The following ERVW-1 variants were observed in gnomAD, a reference collection of about 807,000 sequenced individuals.
ERVW-1 encodes the protein syncytin-1.
Under a neutral mutation model 16.6 loss-of-function variants are expected in ERVW-1, and 21 were observed. The ratio of observed to expected loss-of-function variants is 1.26; its 90% CI spans 0.90 to 1.82. ERVW-1 has a LOEUF of 1.82. Ranked by LOEUF, ERVW-1 falls within the 40% of genes most tolerant of loss-of-function variation. The pLI is 0.00. For synonymous variants in ERVW-1, 161 were observed against 109.8 expected (o/e 1.47, Z -2.92); for missense variants, 412 against 300.2 (o/e 1.37, Z -2.75).
In ERVW-1 at chr7:92,469,338, G is replaced by T; in HGVS notation, c.1044C>A (p.Tyr348Ter). Residue 348 changes from tyrosine (Y) to a stop codon, truncating the protein, a stop_gained, in exon 2 of 2, where the codon TAC becomes TAA. Transcript: ENST00000603053. LOFTEE classifies it high-confidence loss of function. ...GGITTSTQFY[Y>*]KLSQELNGDM... Reference sequence around the variant, plus strand: ...CCCCATTTAGTTCTTGAGATAGTTTGTAGTAGAACTGAGTAGAGGTTGTGA... The same window carrying T: ...CCCCATTTAGTTCTTGAGATAGTTTTTAGTAGAACTGAGTAGAGGTTGTGA... 1.3e-6 allele frequency: 1 copy of T among 765,088 alleles called. No homozygotes were observed. Among genetic ancestry groups the T allele is most frequent in the Non-Finnish European group, 2.4e-6 (1 of 417,892 alleles). 47.4% of individuals were successfully genotyped at this position (765,088 alleles called of 1,614,324 possible).
At chr7:92,476,009 A>G (rs946229924) in intron 1 of ERVW-1, among the ~76,000 whole-genome samples, 3 of 152,216 alleles carry the variant, frequency 2.0e-5, no homozygotes, top group Non-Finnish European at 4.4e-5. Context: ...CCCCGTATCA[A>G]TTACTGAATA....
rs1176045748 is a variant in ERVW-1, at chr7:92,469,228, G to C, written c.1154C>G (p.Ala385Gly). 1 of 762,340 alleles carries C rather than the reference G, an allele frequency of 1.3e-6. No individual in the cohort carries two copies. Among genetic ancestry groups the C allele is most frequent in the African/African-American group, 1.7e-5 (1 of 59,006 alleles). The allele number at this position is 762,340 out of a possible 1,614,324, so 47.2% of individuals were successfully genotyped here. ...TCTTTCAGCGGTTAGCAAGTCTAAA[G>C]CTCTTCGATTTTGAAGGACTACTGC... ...LAAVVLQNRR[A>G]LDLLTAERGG... is the part of the protein sequence containing the mutation. Residue 385 changes from alanine to glycine, a missense_variant, in exon 2 of 2, where the codon GCT becomes GGT. By Grantham distance (60) the Ala-to-Gly change is moderately conservative (BLOSUM62 0). Coordinates refer to ENST00000603053, the MANE Select transcript of ERVW-1 (RefSeq NM_001130925.2).
Position 92,470,492 on chromosome 7 carries a change from C to T in ERVW-1, c.-111G>A. ...GCGTTGTCTCCTGGATTTTCAGGTT[C>T]CTTTGGCAGTATCCAGGATTTGACT... On this transcript the variant is annotated 5_prime_UTR_variant, in exon 2 of 2. Transcript: ENST00000603053. The T allele has an allele frequency of 5.0e-6, 3 of 596,474 alleles. No homozygotes were observed. The highest frequency in any genetic ancestry group is 2.2e-5 in the South Asian group (1 of 46,140). The allele number at this position is 596,474 out of a possible 1,614,324, so 36.9% of individuals were successfully genotyped here.
At chr7:92,475,299 T>C (rs1228301267) in intron 1 of ERVW-1, 2 of 151,840 alleles carry the variant, frequency 1.3e-5, no homozygotes, top group Non-Finnish European at 2.9e-5. Context: ...GCGGGGAACG[T>C]TTCCCATCTG....
chr7:92,475,722 C>A (rs963569411), intron 1 of ERVW-1, among the ~76,000 whole-genome samples: 1 of 152,200 alleles, frequency 6.6e-6, no homozygotes, highest in East Asian at 1.9e-4. Context: ...TGGTCCTTTA[C>A]CAGCATGCCC....
At chr7:92,472,963 T>G (rs1410890613) in intron 1 of ERVW-1, 1 of 152,230 alleles carries the variant, frequency 6.6e-6, no homozygotes. Flanking sequence ...GAAGGACAAG[T>G]GTCCAGGTAT....
chr7:92,470,260 A>G lies in ERVW-1; in HGVS notation c.122T>C (p.Met41Thr), dbSNP rs143670603. 1.1e-4 allele frequency: 85 copies of G among 778,758 alleles called. No individual in the cohort carries two copies. In the African/African-American group the frequency reaches 1.4e-3, roughly 12 times the overall value. The allele number at this position is 778,758 out of a possible 1,614,324, so 48.2% of individuals were successfully genotyped here. A position where few individuals can be genotyped will look rare whatever the true frequency, so the allele number is the denominator to read the frequency against. Residue 41 changes from methionine (M) to threonine (T), a missense_variant, in exon 2 of 2, where the codon ATG becomes ACG. Physicochemically the swap from Met to Thr is moderately conservative, Grantham distance 81 (BLOSUM62 -1). Transcript: ENST00000603053. ...GGCATCAATATTTCCGGGACGCTGC[A>G]TTCTCCATAGAAACTCTTGGTAAGG... ...SSPYQEFLWR[M>T]QRPGNIDAPS...
chr7:92,472,058 G>A (rs931528254), intron 1 of ERVW-1: 6 of 152,192 alleles, frequency 3.9e-5, no homozygotes, highest in Non-Finnish European at 7.3e-5. Context: ...CAGTATACAA[G>A]TTGAGGTCGG....
chr7:92,469,290 G>A lies in ERVW-1; in HGVS notation c.1092C>T (p.Ser364=). 1.3e-6 allele frequency: 1 copy of A among 764,414 alleles called. No individual in the cohort carries two copies. Among genetic ancestry groups the A allele is most frequent in the Non-Finnish European group, 2.4e-6 (1 of 417,816 alleles). The allele number at this position is 764,414 out of a possible 1,614,324, so 47.4% of individuals were successfully genotyped here. Reference sequence around the variant, plus strand: ...TAAGTTGATCTTGCAAGGTGACCAGGGAGTCGGCGACCCGTTCCATGTCCC... The same window carrying A: ...TAAGTTGATCTTGCAAGGTGACCAGAGAGTCGGCGACCCGTTCCATGTCCC... ...LNGDMERVAD[S]LVTLQDQLNS... is the part of the protein sequence containing the mutation. The change falls in exon 2 of 2, where the codon TCC becomes TCT. Residue 364 remains serine (S), a synonymous_variant. Transcript: ENST00000603053.
At position 92,470,382 on chromosome 7, in the gene ERVW-1, G is replaced by A; in HGVS notation, c.-1C>T. On this transcript the variant is annotated 5_prime_UTR_variant, in exon 2 of 2. Coordinates refer to ENST00000603053, the MANE Select transcript of ERVW-1 (RefSeq NM_001130925.2). ...GAAAAATATGATAAGGGAGGGCCAT[G>A]GGGATTTATGATTTTAGTTACTTTC... 1 of 692,556 alleles carries A rather than the reference G, an allele frequency of 1.4e-6. No individual in the cohort carries two copies. The highest frequency in any genetic ancestry group is 2.6e-6 in the Non-Finnish European group (1 of 377,746). 42.9% of individuals were successfully genotyped at this position (692,556 alleles called of 1,614,324 possible).
At position 92,470,436 on chromosome 7, in the gene ERVW-1, C is replaced by T. The variant is rs1284431101; in HGVS notation, c.-55G>A. On this transcript the variant is annotated 5_prime_UTR_variant, in exon 2 of 2. Transcript: ENST00000603053. Reference sequence around the variant, plus strand: ...CTGGTTGTTGTTTGAAGAGCAGGCGCAAATCCTCTAGAGGTTCACAGGAAT... The same window carrying T: ...CTGGTTGTTGTTTGAAGAGCAGGCGTAAATCCTCTAGAGGTTCACAGGAAT... 4 of 634,290 alleles carry T rather than the reference C, an allele frequency of 6.3e-6. No individual in the cohort carries two copies. Among genetic ancestry groups the T allele is most frequent in the Non-Finnish European group, 8.6e-6 (3 of 349,458 alleles). 39.3% of individuals were successfully genotyped at this position (634,290 alleles called of 1,614,324 possible). A position where few individuals can be genotyped will look rare whatever the true frequency, so the allele number is the denominator to read the frequency against.
At chr7:92,476,091 T>C (rs1186599001) in intron 1 of ERVW-1, among the ~76,000 whole-genome samples, 1 of 152,230 alleles carries the variant, frequency 6.6e-6, no homozygotes, top group Non-Finnish European at 1.5e-5. Context: ...GAGTTCCGCC[T>C]AGGTCTGGTC....
At chr7:92,477,122 G>C (rs537793272) in intron 1 of ERVW-1, among the ~76,000 whole-genome samples, 1 of 152,150 alleles carries the variant, frequency 6.6e-6, no homozygotes, top group Non-Finnish European at 1.5e-5. Flanking sequence ...AGTTCAGGAC[G>C]ACAGCTTTCT....
At chr7:92,471,388 G>C (rs533410033) in intron 1 of ERVW-1, 4 of 152,822 alleles carry the variant, frequency 2.6e-5, no homozygotes, top group Non-Finnish European at 5.9e-5. Context: ...ATAATGATTT[G>C]GCCATCTGAT....
chr7:92,474,376 C>A (rs1407806104), intron 1 of ERVW-1, among the ~76,000 whole-genome samples: 1 of 152,154 alleles, frequency 6.6e-6, no homozygotes, highest in East Asian at 1.9e-4. Flanking sequence ...CAATGCCTCC[C>A]TTAGTCTCTC....
chr7:92,471,708 C>G (rs187729643), intron 1 of ERVW-1: 72 of 152,254 alleles, frequency 4.7e-4, no homozygotes, highest in African/African-American at 1.7e-3. Context: ...TTTCTGATGA[C>G]CCCGGCAGTG....
chr7:92,477,874 G>T lies in ERVW-1; in HGVS notation c.-720C>A, dbSNP rs1042743759. ...AAACATGGACCAGAAGAGTGCAGTT[G>T]CAAGATTTAATAGAGTGAAATAGCA... On this transcript the variant is annotated 5_prime_UTR_variant, in exon 1 of 2. The change creates a premature stop within an existing upstream ORF in the 5' untranslated region. Coordinates refer to ENST00000603053, the MANE Select transcript of ERVW-1 (RefSeq NM_001130925.2). The T allele has an allele frequency of 2.6e-5, 4 of 154,968 alleles. No individual in the cohort carries two copies. Among genetic ancestry groups the T allele is most frequent in the African/African-American group, 7.2e-5 (3 of 41,476 alleles). 9.6% of individuals were successfully genotyped at this position (154,968 alleles called of 1,614,324 possible).
chr7:92,475,604 T>C (rs1008594258), intron 1 of ERVW-1, among the ~76,000 whole-genome samples: 2 of 151,822 alleles, frequency 1.3e-5, no homozygotes, highest in African/African-American at 2.4e-5. Context: ...TAACCACCCA[T>C]GGACCTCTGT....
chr7:92,468,661 A>G lies in ERVW-1; in HGVS notation c.*104T>C. The G allele has an allele frequency of 1.6e-6, 1 of 608,076 alleles. No individual in the cohort carries two copies. The highest frequency in any genetic ancestry group is 2.9e-6 in the Non-Finnish European group (1 of 341,680). The allele number at this position is 608,076 out of a possible 1,614,324, so 37.7% of individuals were successfully genotyped here. A position where few individuals can be genotyped will look rare whatever the true frequency, so the allele number is the denominator to read the frequency against. On this transcript the variant is annotated 3_prime_UTR_variant, in exon 2 of 2. Transcript: ENST00000603053. ...TGTGGTCACCTTCCCAGCTAGGCTT[A>G]GGGATTCTTAGTCAGCCTAGGAAAT... is the stretch of plus-strand genomic sequence containing the variant.
Sources: allele counts gnomAD v4.1 joint callset (sites outside exome capture counted in the v4.1 genomes callset), GRCh38; gene constraint gnomAD v4.1.1; transcripts MANE v1.5; gene names NCBI Gene and HGNC (gene_info 2026-07-23, HGNC 2026-07-21).